Variants in SPAG16 observed in about 807,000 individuals in gnomAD.
The protein encoded by SPAG16 is sperm-associated antigen 16 protein.
SPAG16 carries 86 observed loss-of-function variants against 80.4 expected under a neutral mutation model. That is an observed-to-expected ratio of 1.07 (90% CI 0.90 to 1.28). The LOEUF (loss-of-function observed/expected upper bound fraction) is 1.28, where lower values mean the gene tolerates loss of function less well. Ranked by LOEUF, SPAG16 falls within the 50% of genes most tolerant of loss-of-function variation. The probability of loss-of-function intolerance (pLI) is 0.00; values close to 1 mark genes in which losing one functional copy is unlikely to be tolerated. For missense variants in SPAG16, 870 were observed against 765.3 expected, an observed-to-expected ratio of 1.14 and a Z score of -1.61; for synonymous variants, 294 against 265.9, an observed-to-expected ratio of 1.11 and a Z score of -1.03.
chr2:213,912,276 A>G (rs912020792), intron 11 of SPAG16, among the ~76,000 whole-genome samples: 1 of 152,164 alleles, frequency 6.6e-6, no homozygotes, highest in African/African-American at 2.4e-5. Context: ...GAATAGTTAT[A>G]CACTTTCTGA....
intron 15 of SPAG16, among the ~76,000 whole-genome samples, chr2:214,153,710 A>T (rs1486468461): frequency 1.3e-5 from 2 of 152,150 alleles, no homozygotes; most frequent in African/African-American, 4.8e-5. Context: ...AGAAACAAGG[A>T]TCAAAACCTC....
At chr2:213,417,054 G>A (rs946215755) in intron 9 of SPAG16, among the ~76,000 whole-genome samples, 3 of 152,156 alleles carry the variant, frequency 2.0e-5, no homozygotes, top group Admixed American at 6.5e-5. Context: ...ACATTGACTC[G>A]TGGGGTGTAT....
At chr2:213,946,091 C>T (rs2079447200) in intron 12 of SPAG16, among the ~76,000 whole-genome samples, 1 of 152,016 alleles carries the variant, frequency 6.6e-6, no homozygotes, top group Non-Finnish European at 1.5e-5. Flanking sequence ...GACTTTTTGT[C>T]TTAATTTTTA....
intron 1 of SPAG16, among the ~76,000 whole-genome samples, chr2:213,295,504 T>C (rs1002424637): frequency 1.3e-5 from 2 of 152,096 alleles, no homozygotes; most frequent in Non-Finnish European, 2.9e-5. Context: ...AATTTAAAAA[T>C]GGAGATACAT....
intron 1 of SPAG16, among the ~76,000 whole-genome samples, chr2:213,285,481 T>G (rs1013406427): frequency 6.6e-6 from 1 of 152,222 alleles, no homozygotes; most frequent in Admixed American, 6.5e-5. Context: ...ATCTGTTCAG[T>G]TCTTAAAGAT....
chr2:213,496,809 A>G (rs1205028820), intron 10 of SPAG16, among the ~76,000 whole-genome samples: 2 of 151,190 alleles, frequency 1.3e-5, no homozygotes, highest in Non-Finnish European at 3.0e-5. Context: ...GTTATATTTT[A>G]AAATGTGAGT....
chr2:213,790,582 A>C (rs552892071), intron 10 of SPAG16, among the ~76,000 whole-genome samples: 6 of 151,986 alleles, frequency 3.9e-5, no homozygotes, highest in African/African-American at 1.4e-4. Flanking sequence ...TCTAACAGTT[A>C]TTATAATATT....
intron 13 of SPAG16, among the ~76,000 whole-genome samples, chr2:214,075,002 GCATAGCTT>G (rs1426100360): frequency 6.6e-6 from 1 of 152,004 alleles, no homozygotes; most frequent in Non-Finnish European, 1.5e-5. Context: ...TAAATAAATG[GCATAGCTT>G]CATACGTTGA....
chr2:214,229,612 A>T (rs1688550449), intron 15 of SPAG16, among the ~76,000 whole-genome samples: 1 of 151,822 alleles, frequency 6.6e-6, no homozygotes, highest in South Asian at 2.1e-4. Context: ...GAGCATAAAA[A>T]TTAAGCTAAT....
At chr2:213,315,555 TTC>T (rs1328721065) in intron 4 of SPAG16, among the ~76,000 whole-genome samples, 6 of 152,042 alleles carry the variant, frequency 3.9e-5, no homozygotes, top group Admixed American at 3.3e-4. Context: ...ATTTCATATC[TTC>T]TTCTAAGTTC....
Position 213,353,851 on chromosome 2 carries a change from C to T in SPAG16, c.762+3206C>T, listed in dbSNP as rs182525104. On this transcript the variant is annotated intron_variant, in intron 7 of 15. Coordinates refer to ENST00000331683, the MANE Select transcript of SPAG16 (RefSeq NM_024532.5). Reference sequence around the variant, plus strand: ...GAATTTTTAATAAATTCCACTTTCACCCTAAAAATATCCCAATTTAGAAAA... The same window carrying T: ...GAATTTTTAATAAATTCCACTTTCATCCTAAAAATATCCCAATTTAGAAAA... Among the ~76,000 whole-genome samples the T allele has an allele frequency of 1.7e-3, 256 of 152,234 alleles. 1 individual carries two copies. The highest frequency in any genetic ancestry group is 5.8e-3 in the African/African-American group (240 of 41,544).
Position 213,317,518 on chromosome 2 carries a change from A to C in SPAG16, c.536+162A>C. On this transcript the variant is annotated intron_variant, in intron 5 of 15. Transcript: ENST00000331683. ...GGCTTCATTAGCAAATTAATTAAAC[A>C]GATGATCAGAACTATCACAATTATA... 6.0e-6 allele frequency: 8 copies of C among 1,342,520 alleles called. No homozygotes were observed. In the South Asian group the frequency reaches 6.4e-5, roughly 11 times the overall value. 83.2% of individuals were successfully genotyped at this position (1,342,520 alleles called of 1,614,324 possible). A position where few individuals can be genotyped will look rare whatever the true frequency, so the allele number is the denominator to read the frequency against.
At chr2:213,449,298 A>G (rs1188922739) in intron 9 of SPAG16, among the ~76,000 whole-genome samples, 1 of 152,128 alleles carries the variant, frequency 6.6e-6, no homozygotes, top group East Asian at 1.9e-4. Flanking sequence ...TGCACCACTG[A>G]ATATAGACCC....
chr2:214,273,707 C>T (rs78068667), intron 15 of SPAG16, among the ~76,000 whole-genome samples: 95,389 of 151,978 alleles, frequency 0.63, 30,278 homozygotes, highest in South Asian at 0.71. Context: ...ACCCTTGTAA[C>T]ATAGTTTGAA....
At chr2:214,184,564 G>A (rs1171580312) in intron 15 of SPAG16, among the ~76,000 whole-genome samples, 1 of 151,986 alleles carries the variant, frequency 6.6e-6, no homozygotes, top group Non-Finnish European at 1.5e-5. Flanking sequence ...GCTAACTATT[G>A]CTTGAATATT....
chr2:214,324,528 A>T (rs946190495), intron 15 of SPAG16, among the ~76,000 whole-genome samples: 6 of 152,218 alleles, frequency 3.9e-5, no homozygotes, highest in African/African-American at 1.4e-4. Flanking sequence ...AAATTTTCCC[A>T]GTTGCTCATG....
chr2:213,702,423 C>T (rs6435790), intron 10 of SPAG16, among the ~76,000 whole-genome samples: 50,867 of 152,000 alleles, frequency 0.33, 8,764 homozygotes, highest in Middle Eastern at 0.45. Flanking sequence ...TAACACTCAC[C>T]GCGAAGGTCT....
intron 13 of SPAG16, among the ~76,000 whole-genome samples, chr2:214,054,949 T>G (rs1302153906): frequency 6.6e-6 from 1 of 152,194 alleles, no homozygotes; most frequent in African/African-American, 2.4e-5. Context: ...CATACACTAA[T>G]TCCTTTGCCC....
At chr2:213,626,030 C>T (rs571309725) in intron 10 of SPAG16, among the ~76,000 whole-genome samples, 49 of 152,034 alleles carry the variant, frequency 3.2e-4, no homozygotes, top group Non-Finnish European at 6.2e-4. Context: ...CATTTCATTC[C>T]TAGGATCTTC....
Sources: gnomAD v4.1 joint callset for allele counts (sites outside exome capture counted in the v4.1 genomes callset) on GRCh38, gnomAD v4.1.1 for gene constraint, MANE v1.5 for transcripts, NCBI Gene and HGNC (gene_info 2026-07-23, HGNC 2026-07-21) for gene names.